The following MEGF11 variants were observed in gnomAD, a reference collection of about 807,000 sequenced individuals.
MEGF11 encodes multiple epidermal growth factor-like domains protein 11.
A neutral mutation model predicts 146.6 loss-of-function variants in MEGF11; 126 were observed. That is an observed-to-expected ratio of 0.86 (90% CI 0.74 to 1.00). The LOEUF is 1.00. Among genes scored for constraint, MEGF11 ranks in the 50% least tolerant of loss-of-function variants. MEGF11 has a pLI of 0.00. For synonymous variants in MEGF11, 532 were observed against 583.4 expected, an observed-to-expected ratio of 0.91 and a Z score of 1.27; for missense variants, 1,509 against 1,521.2, an observed-to-expected ratio of 0.99 and a Z score of 0.13.
chr15:65,898,148 T>C (rs1355700163), intron 25 of MEGF11, 54 bp from the exon 26 acceptor site: 1 of 1,551,170 alleles, frequency 6.4e-7, no homozygotes, highest in African/African-American at 1.4e-5. Context: ...TTGGTTGCCT[T>C]GTTGGAGAGG....
chr15:66,002,427 G>A (rs980248200), intron 5 of MEGF11, among the ~76,000 whole-genome samples: 5 of 152,194 alleles, frequency 3.3e-5, no homozygotes, highest in Non-Finnish European at 7.3e-5. Flanking sequence ...GGTTTAAAGT[G>A]GACCAAGGAG....
intron 1 of MEGF11, among the ~76,000 whole-genome samples, chr15:66,251,145 C>T (rs1422387906): frequency 5.3e-5 from 8 of 152,216 alleles, no homozygotes; most frequent in Admixed American, 5.2e-4. Context: ...TCTAGCTTCC[C>T]TAGTGATTCT....
At chr15:65,922,685 A>T (rs2079216148) in intron 14 of MEGF11, 138 bp downstream of exon 14, 1 of 1,265,828 alleles carries the variant, frequency 7.9e-7, no homozygotes. Flanking sequence ...AGAACTGCAG[A>T]GGGAGAGACT....
At chr15:65,985,596 C>T (rs960791185) in intron 5 of MEGF11, among the ~76,000 whole-genome samples, 1 of 152,142 alleles carries the variant, frequency 6.6e-6, no homozygotes, top group Non-Finnish European at 1.5e-5. Flanking sequence ...CTGGCACAGC[C>T]AAAACCCAGT....
intron 5 of MEGF11, among the ~76,000 whole-genome samples, chr15:66,001,121 A>T (rs1018650425): frequency 6.6e-6 from 1 of 152,054 alleles, no homozygotes; most frequent in Non-Finnish European, 1.5e-5. Context: ...GGATGTCTAG[A>T]GTTAGGATTG....
At position 65,916,128 on chromosome 15, in the gene MEGF11, C is replaced by G; in HGVS notation, c.2344+20G>C. ...AGGGCCCAGCAGCATCACCCAGGATCAGGGGTCAGGGCAGCTTACTCTGCT... is the reference window on the plus strand; with the variant it reads ...AGGGCCCAGCAGCATCACCCAGGATGAGGGGTCAGGGCAGCTTACTCTGCT... On this transcript the variant is annotated intron_variant, in intron 18 of 25. Coordinates refer to ENST00000395614, the MANE Select transcript of MEGF11 (RefSeq NM_001385028.1). 2 of 1,570,744 alleles carry G rather than the reference C, an allele frequency of 1.3e-6. No homozygotes were observed. Among genetic ancestry groups the G allele is most frequent in the East Asian group, 2.3e-5 (1 of 43,104 alleles).
At chr15:65,948,826 A>AGTGT (rs56678880) in intron 10 of MEGF11, among the ~76,000 whole-genome samples, 1 of 151,050 alleles carries the variant, frequency 6.6e-6, no homozygotes, top group African/African-American at 2.4e-5. Flanking sequence ...TGGGTACTGG[A>AGTGT]GTGTGTGTGT....
chr15:66,157,992 C>A (rs2089822808), intron 1 of MEGF11, among the ~76,000 whole-genome samples: 2 of 152,158 alleles, frequency 1.3e-5, no homozygotes, highest in Non-Finnish European at 1.5e-5. Context: ...ATGAATGTAC[C>A]TCCCGCTGTT....
At chr15:66,072,782 T>G (rs1452131508) in intron 5 of MEGF11, among the ~76,000 whole-genome samples, 1 of 152,182 alleles carries the variant, frequency 6.6e-6, no homozygotes, top group East Asian at 1.9e-4. Flanking sequence ...TCATGCAAGC[T>G]GTAGGGTCAA....
chr15:66,227,637 A>G (rs573456430), intron 1 of MEGF11, among the ~76,000 whole-genome samples: 253 of 152,306 alleles, frequency 1.7e-3, no homozygotes, highest in African/African-American at 5.9e-3. Flanking sequence ...GCTTCTCAGC[A>G]TCTCCTGCAG....
At chr15:66,032,066 A>C (rs2083542110) in intron 5 of MEGF11, among the ~76,000 whole-genome samples, 1 of 152,184 alleles carries the variant, frequency 6.6e-6, no homozygotes, top group African/African-American at 2.4e-5. Flanking sequence ...TCCTTATGAC[A>C]ATCTAATGCC....
chr15:65,959,448 T>C (rs570167775), intron 9 of MEGF11, among the ~76,000 whole-genome samples: 93 of 152,272 alleles, frequency 6.1e-4, no homozygotes, highest in African/African-American at 2.1e-3. Flanking sequence ...TAAACAACAA[T>C]TGGACACCAC....
intron 1 of MEGF11, among the ~76,000 whole-genome samples, chr15:66,168,923 G>A (rs1197843501): frequency 1.3e-5 from 2 of 152,242 alleles, no homozygotes; most frequent in Admixed American, 6.5e-5. Context: ...GGGAGGTGGA[G>A]GTTGCAGTGA....
intron 1 of MEGF11, among the ~76,000 whole-genome samples, chr15:66,252,187 C>T (rs1258587129): frequency 6.6e-6 from 1 of 152,084 alleles, no homozygotes; most frequent in Non-Finnish European, 1.5e-5. Context: ...CGGCAGGCTC[C>T]GATTGCCCCA....
intron 5 of MEGF11, among the ~76,000 whole-genome samples, chr15:66,082,508 T>TA (rs2085923600): frequency 7.9e-6 from 1 of 126,646 alleles, no homozygotes; most frequent in African/African-American, 3.1e-5. Flanking sequence ...TATCTATCTA[T>TA]CTATCTATAA....
intron 6 of MEGF11, among the ~76,000 whole-genome samples, chr15:65,981,135 T>C (rs901219653): frequency 2.0e-5 from 3 of 149,366 alleles, no homozygotes; most frequent in African/African-American, 7.3e-5. Context: ...GTTCTTAGTG[T>C]ACAGAAGAGT....
chr15:66,030,824 G>T (rs2083489060), intron 5 of MEGF11, among the ~76,000 whole-genome samples: 1 of 152,166 alleles, frequency 6.6e-6, no homozygotes, highest in Non-Finnish European at 1.5e-5. Flanking sequence ...GCTGCACAAG[G>T]ACTTCAGCAA....
In MEGF11 at chr15:66,181,261, G is replaced by A. The variant is rs2090538925; in HGVS notation, c.-8-52850C>T. Among the ~76,000 whole-genome samples the A allele has an allele frequency of 2.6e-5, 4 of 152,168 alleles. No individual in the cohort carries two copies. The South Asian group carries it at 8.3e-4, about 32-fold the overall frequency. ...AGAATTTGTGTTGTTGTTGAGACAG[G>A]GTCTCACTCTGTCGCCCAGGATCTG... is the stretch of plus-strand genomic sequence containing the variant. On this transcript the variant is annotated intron_variant, in intron 1 of 25. Coordinates refer to ENST00000395614, the MANE Select transcript of MEGF11 (RefSeq NM_001385028.1).
intron 5 of MEGF11, among the ~76,000 whole-genome samples, chr15:66,085,838 T>G (rs892542342): frequency 9.2e-5 from 14 of 152,186 alleles, no homozygotes; most frequent in East Asian, 1.9e-4. Flanking sequence ...CTGATTTACA[T>G]GAAAAAGAAT....
Sources: allele counts gnomAD v4.1 joint callset (sites outside exome capture counted in the v4.1 genomes callset), GRCh38; gene constraint gnomAD v4.1.1; transcripts MANE v1.5; gene names NCBI Gene and HGNC (gene_info 2026-07-23, HGNC 2026-07-21).